The following RAPGEF2 variants were observed in gnomAD, a reference collection of about 807,000 sequenced individuals.
RAPGEF2 encodes the protein Rap guanine nucleotide exchange factor 2, also known as PDZ domain containing guanine nucleotide exchange factor (GEF) 1.
In RAPGEF2, 54 loss-of-function variants were observed where a neutral mutation model predicts 186.7. The observed-to-expected ratio is 0.29, with a 90% confidence interval of 0.23 to 0.36. The LOEUF is 0.36. Ranked by LOEUF, RAPGEF2 falls within the 10% of genes least tolerant of loss-of-function variation. The pLI is 1.00. For missense variants in RAPGEF2, 1,532 were observed against 2,045.0 expected, an observed-to-expected ratio of 0.75 and a Z score of 4.84; for synonymous variants, 712 against 705.9, an observed-to-expected ratio of 1.01 and a Z score of -0.14.
chr4:159,131,519 ATTTTT>A (rs35670450), intron 1 of RAPGEF2, among the ~76,000 whole-genome samples: 5 of 37,212 alleles, frequency 1.3e-4, no homozygotes, highest in African/African-American at 3.6e-4. Flanking sequence ...ATTAATTGCT[ATTTTT>A]TTTTTTTTTT....
intron 1 of RAPGEF2, among the ~76,000 whole-genome samples, chr4:159,161,587 C>T (rs916299876): frequency 7.9e-5 from 12 of 152,042 alleles, no homozygotes; most frequent in Non-Finnish European, 8.8e-5. Flanking sequence ...GCCTGTAGTC[C>T]CAGCTACTCA....
At chr4:159,162,225 A>AG (rs1744786984) in intron 1 of RAPGEF2, among the ~76,000 whole-genome samples, 1 of 150,084 alleles carries the variant, frequency 6.7e-6, no homozygotes, top group Non-Finnish European at 1.5e-5. Flanking sequence ...TTTCTTCAAA[A>AG]AAAAAAAAAA....
At chr4:159,120,031 TTTG>T (rs1435462627) in intron 1 of RAPGEF2, among the ~76,000 whole-genome samples, 1 of 152,204 alleles carries the variant, frequency 6.6e-6, no homozygotes, top group Admixed American at 6.5e-5. Context: ...TTCTTTTTTG[TTTG>T]TTTTTTTGAG....
chr4:159,328,244 GTAT>G (rs1338893094), intron 11 of RAPGEF2: 1 of 152,082 alleles, frequency 6.6e-6, no homozygotes, highest in African/African-American at 2.4e-5. Context: ...TAAGGATCAT[GTAT>G]TTTGAAACAT....
Position 159,295,726 on chromosome 4 carries a change from T to A in RAPGEF2, c.544-8616T>A, listed in dbSNP as rs1031708229. ...AAGAGAGAGAGAGTGTGTGAGTGTGTGTGTGTGTGTGTGTGTGTGTGTGTG... is the reference window on the plus strand; with the variant it reads ...AAGAGAGAGAGAGTGTGTGAGTGTGAGTGTGTGTGTGTGTGTGTGTGTGTG... On this transcript the variant is annotated intron_variant, in intron 7 of 29. Coordinates refer to ENST00000691494, the MANE Select transcript of RAPGEF2 (RefSeq NM_001394067.2). 5.8e-4 allele frequency among the ~76,000 whole-genome samples: 38 copies of A among 65,800 alleles called. No individual in the cohort carries two copies. In the South Asian group the frequency reaches 0.01, roughly 17 times the overall value. 43.2% of individuals were successfully genotyped at this position (65,800 alleles called of 152,430 possible).
At position 159,322,333 on chromosome 4, in the gene RAPGEF2, CT is replaced by C. The variant is rs748990136; in HGVS notation, c.854-10del. On this transcript the variant is annotated splice_polypyrimidine_tract_variant and intron_variant, in intron 9 of 29. Transcript: ENST00000691494. ...AAGTAGTAGTTTTTACAAAGTATGTCTTTTGCTTTTCAGAACAACTCTTGGA... is the reference window on the plus strand; with the variant it reads ...AAGTAGTAGTTTTTACAAAGTATGTCTTTGCTTTTCAGAACAACTCTTGGA... The C allele has an allele frequency of 6.2e-7, 1 of 1,611,788 alleles. No individual in the cohort carries two copies. The highest frequency in any genetic ancestry group is 2.2e-5 in the East Asian group (1 of 44,818).
At chr4:159,304,282 A>G in intron 7 of RAPGEF2, 60 bp from the exon 8 acceptor site, 1 of 1,441,228 alleles carries the variant, frequency 6.9e-7, no homozygotes. Flanking sequence ...TAATTTTAAA[A>G]TGTCTTCTTG....
intron 1 of RAPGEF2, among the ~76,000 whole-genome samples, chr4:159,132,867 A>G (rs1579270140): frequency 6.6e-6 from 1 of 151,394 alleles, no homozygotes; most frequent in East Asian, 1.9e-4. Context: ...TAATATTTTA[A>G]ATATTATATA....
intron 8 of RAPGEF2, among the ~76,000 whole-genome samples, chr4:159,309,590 AG>A (rs1763712456): frequency 6.6e-6 from 1 of 152,210 alleles, no homozygotes; most frequent in South Asian, 2.1e-4. Flanking sequence ...AAGTTGAAAA[AG>A]GGTTACCTTA....
rs188832178 is a variant in RAPGEF2, at chr4:159,265,466, C to G, written c.543+21675C>G. 4.1e-3 allele frequency among the ~76,000 whole-genome samples: 619 copies of G among 152,240 alleles called. 1 individual carries two copies. Among genetic ancestry groups the G allele is most frequent in the African/African-American group, 0.014 (590 of 41,534 alleles). On this transcript the variant is annotated intron_variant, in intron 7 of 29. Coordinates refer to ENST00000691494, the MANE Select transcript of RAPGEF2 (RefSeq NM_001394067.2). ...TTTCAGGCAGAGGAAATAACATGTG[C>G]AAAGGCCCTTTTGTCTATGAAGGAG...
chr4:159,279,271 A>G (rs1759360744), intron 7 of RAPGEF2, among the ~76,000 whole-genome samples: 1 of 152,228 alleles, frequency 6.6e-6, no homozygotes, highest in South Asian at 2.1e-4. Flanking sequence ...TGGTGGAGCC[A>G]TTGGCAGGTT....
intron 1 of RAPGEF2, among the ~76,000 whole-genome samples, chr4:159,158,712 C>G (rs930095483): frequency 6.6e-6 from 1 of 152,066 alleles, no homozygotes; most frequent in Non-Finnish European, 1.5e-5. Flanking sequence ...CACACAAAAC[C>G]AAGTCTTTTT....
At chr4:159,207,368 G>A (rs1490967406) in intron 3 of RAPGEF2, among the ~76,000 whole-genome samples, 1 of 152,182 alleles carries the variant, frequency 6.6e-6, no homozygotes, top group African/African-American at 2.4e-5. Flanking sequence ...CTTCAAGTGT[G>A]TTTTATTATC....
intron 1 of RAPGEF2, among the ~76,000 whole-genome samples, chr4:159,134,550 A>C (rs1741478979): frequency 6.6e-6 from 1 of 152,220 alleles, no homozygotes; most frequent in South Asian, 2.1e-4. Flanking sequence ...TGAAAAACTA[A>C]CAAACTCCTT....
intron 2 of RAPGEF2, 56 bp downstream of exon 2, chr4:159,186,768 A>G: frequency 1.1e-6 from 1 of 932,510 alleles, no homozygotes; most frequent in Non-Finnish European, 1.6e-6. Flanking sequence ...GAAGCATGTA[A>G]CAATTTAACA....
intron 7 of RAPGEF2, among the ~76,000 whole-genome samples, chr4:159,273,636 T>TTCTTTCTTTC (rs1250447532): frequency 1.5e-4 from 10 of 66,658 alleles, no homozygotes; most frequent in African/African-American, 5.2e-4. Context: ...GTTTCTTTCT[T>TTCTTTCTTTC]TCTTTCTTTC....
intron 7 of RAPGEF2, among the ~76,000 whole-genome samples, chr4:159,301,154 C>T (rs1260892174): frequency 6.6e-6 from 1 of 152,166 alleles, no homozygotes; most frequent in East Asian, 1.9e-4. Flanking sequence ...GGGTGGATCA[C>T]TTGAGGCCAG....
intron 8 of RAPGEF2, among the ~76,000 whole-genome samples, chr4:159,309,782 T>C (rs895624196): frequency 2.6e-5 from 4 of 152,104 alleles, no homozygotes; most frequent in African/African-American, 9.7e-5. Context: ...ACAAAATAGA[T>C]AGATCAATAG....
At chr4:159,177,791 A>C (rs189207388) in intron 1 of RAPGEF2, among the ~76,000 whole-genome samples, 220 of 152,306 alleles carry the variant, frequency 1.4e-3, no homozygotes, top group African/African-American at 4.8e-3. Flanking sequence ...TCTAGCTTTT[A>C]ACCCCGTTAT....
Sources: gnomAD v4.1 joint callset for allele counts (sites outside exome capture counted in the v4.1 genomes callset) on GRCh38, gnomAD v4.1.1 for gene constraint, MANE v1.5 for transcripts, NCBI Gene and HGNC (gene_info 2026-07-23, HGNC 2026-07-21) for gene names.